Variants in FANCE observed in about 807,000 individuals in gnomAD.
The protein encoded by FANCE is Fanconi anemia group E protein.
A neutral mutation model predicts 57.8 loss-of-function variants in FANCE; 42 were observed. The observed-to-expected ratio is 0.73, with a 90% CI of 0.57 to 0.94. FANCE has a LOEUF of 0.94. Among genes scored for constraint, FANCE ranks in the 40% least tolerant of loss-of-function variants. The pLI is 0.00. For synonymous variants in FANCE, 251 were observed against 286.4 expected, an observed-to-expected ratio of 0.88 and a Z score of 1.25; for missense variants, 608 against 661.8, an observed-to-expected ratio of 0.92 and a Z score of 0.89.
chr6:35,458,561 C>A, intron 5 of FANCE, 121 bp downstream of exon 5: 3 of 1,245,904 alleles, frequency 2.4e-6, no homozygotes, highest in Non-Finnish European at 3.5e-6. Flanking sequence ...GCTGTTTGGG[C>A]AGCCTGGGGC....
Position 35,467,053 on chromosome 6 carries a change from T to C in FANCE, c.*708T>C. ...TATTATGACCTTCTGTGTTTTTGTTTCTGACTTGAATAATTTATCAATGGT... is the reference window on the plus strand; with the variant it reads ...TATTATGACCTTCTGTGTTTTTGTTCCTGACTTGAATAATTTATCAATGGT... On this transcript the variant is annotated 3_prime_UTR_variant, in exon 10 of 10. Coordinates refer to ENST00000229769, the MANE Select transcript of FANCE (RefSeq NM_021922.3). The C allele has an allele frequency of 4.7e-6, 1 of 214,190 alleles. No individual in the cohort carries two copies. 13.3% of individuals were successfully genotyped at this position (214,190 alleles called of 1,614,324 possible). A position where few individuals can be genotyped will look rare whatever the true frequency, so the allele number is the denominator to read the frequency against.
At chr6:35,462,390 A>C (rs546378306) in intron 8 of FANCE, among the ~76,000 whole-genome samples, 195 of 152,292 alleles carry the variant, frequency 1.3e-3, no homozygotes, top group Non-Finnish European at 2.3e-3. Context: ...TACAGGCATG[A>C]GCCACCGTGC....
chr6:35,458,704 G>A (rs188538921), intron 5 of FANCE, among the ~76,000 whole-genome samples: 32 of 151,378 alleles, frequency 2.1e-4, no homozygotes, highest in African/African-American at 4.6e-4. Context: ...CAGCAGTGGC[G>A]TGATCTCCTG....
intron 8 of FANCE, among the ~76,000 whole-genome samples, chr6:35,461,472 T>C (rs1273833738): frequency 2.0e-5 from 3 of 152,232 alleles, no homozygotes; most frequent in African/African-American, 7.2e-5. Context: ...ATACCATCTA[T>C]ATGTGGAAAC....
At chr6:35,461,447 C>T (rs947683636) in intron 8 of FANCE, among the ~76,000 whole-genome samples, 17 of 152,180 alleles carry the variant, frequency 1.1e-4, no homozygotes, top group African/African-American at 3.9e-4. Flanking sequence ...CAGGGGAATC[C>T]GCCCCCCTCC....
chr6:35,458,479 T>TG (rs1767443647), intron 5 of FANCE, 39 bp downstream of exon 5: 1 of 1,612,232 alleles, frequency 6.2e-7, no homozygotes, highest in East Asian at 2.2e-5. Context: ...CCAAGGACAA[T>TG]GGGGAAGAGC....
At position 35,457,613 on chromosome 6, in the gene FANCE, A is replaced by C; in HGVS notation, c.900+13A>C. 6.2e-7 allele frequency: 1 copy of C among 1,613,600 alleles called. No homozygotes were observed. The highest frequency in any genetic ancestry group is 8.5e-7 in the Non-Finnish European group (1 of 1,179,836). On this transcript the variant is annotated intron_variant, in intron 3 of 9. Coordinates refer to ENST00000229769, the MANE Select transcript of FANCE (RefSeq NM_021922.3). ...GACCTTGGAGGAGGTGACTGGCCCC[A>C]CAGTGCTCACCATAGCCTTTCTTCC...
chr6:35,457,490 C>T, intron 2 of FANCE, 66 bp from the exon 3 acceptor site: 1 of 1,580,884 alleles, frequency 6.3e-7, no homozygotes, highest in Non-Finnish European at 8.7e-7. Flanking sequence ...TAGGGGGAGC[C>T]AGAACCGGGC....
chr6:35,459,040 C>G (rs1310207302), intron 5 of FANCE, among the ~76,000 whole-genome samples: 1 of 152,154 alleles, frequency 6.6e-6, no homozygotes, highest in Non-Finnish European at 1.5e-5. Context: ...GTCAGCCTCC[C>G]AAAGTGCTGG....
chr6:35,465,972 A>G (rs1240071587), intron 9 of FANCE, among the ~76,000 whole-genome samples: 1 of 152,212 alleles, frequency 6.6e-6, no homozygotes, highest in Middle Eastern at 3.2e-3. Context: ...ATGTTTGTAT[A>G]TGGATTGATG....
In FANCE at chr6:35,459,738, G is replaced by C; in HGVS notation, c.1294G>C (p.Asp432His). ...TGTGAAGATGGAGTCCCTGGAGCCA[G>C]ATGCACAGGTTCTAATGCTGGGGTG... is the stretch of plus-strand genomic sequence containing the variant. Reference protein sequence around the residue: ...CLVKMESLEPDAQVLMLGQIL... With the variant: ...CLVKMESLEPHAQVLMLGQIL... Residue 432 changes from aspartate (D) to histidine (H), a missense_variant, in exon 7 of 10, where the codon GAT (aspartate) becomes CAT (histidine). Asp to His is a moderately conservative substitution (Grantham distance 81, BLOSUM62 -1). Transcript: ENST00000229769. 1 of 1,614,186 alleles carries C rather than the reference G, an allele frequency of 6.2e-7. No individual in the cohort carries two copies.
rs1767438884 is a variant in FANCE, at chr6:35,458,391, TC to T, written c.1065del (p.Ser356AlafsTer8). 7.4e-6 allele frequency: 12 copies of T among 1,614,204 alleles called. No homozygotes were observed. Among genetic ancestry groups the T allele is most frequent in the Non-Finnish European group, 1.0e-5 (12 of 1,180,034 alleles). On this transcript the variant is annotated frameshift_variant, in exon 5 of 10. Coordinates refer to ENST00000229769, the MANE Select transcript of FANCE (RefSeq NM_021922.3). LOFTEE classifies it high-confidence loss of function. Reference sequence around the variant, plus strand: ...TGGCTGCTGGCCCTTTCACCTGATCTCAGCCTCAGCAATGCTACTGTGCTGA... The same window carrying T: ...TGGCTGCTGGCCCTTTCACCTGATCTAGCCTCAGCAATGCTACTGTGCTGA... The part of the protein sequence containing the change: ...CTWLLALSPD[L>X]SLSNATVLTR...
At position 35,456,140 on chromosome 6, in the gene FANCE, G is replaced by C; in HGVS notation, c.642G>C (p.Lys214Asn). The change falls in exon 2 of 10, where the codon AAG (lysine) becomes AAC (asparagine). Residue 214 changes from lysine (K) to asparagine (N), a missense_variant. Lys to Asn is a moderately conservative substitution (Grantham distance 94). Transcript: ENST00000229769. The surrounding 1 kb of genome is among the most constrained non-coding windows in gnomAD (Gnocchi z 4.3). ...AAGAGGCTGCCAGTCCTGAGGGGAA[G>C]AGGGTCCCCAAAAGATTACGGTGTT... ...SEEEAASPEGKRVPKRLRCWE... is the reference protein window; with the variant it reads ...SEEEAASPEGNRVPKRLRCWE... 2 of 1,614,140 alleles carry C rather than the reference G, an allele frequency of 1.2e-6. No homozygotes were observed. Among genetic ancestry groups the C allele is most frequent in the Non-Finnish European group, 1.7e-6 (2 of 1,179,992 alleles).
chr6:35,459,114 C>T (rs538397190), intron 5 of FANCE, among the ~76,000 whole-genome samples: 10 of 152,190 alleles, frequency 6.6e-5, no homozygotes, highest in South Asian at 6.2e-4. Context: ...GGCACCAGAA[C>T]CCTTCTAGAA....
chr6:35,460,506 T>G, intron 7 of FANCE, 46 bp from the exon 8 acceptor site: 1 of 1,573,244 alleles, frequency 6.4e-7, no homozygotes, highest in Non-Finnish European at 8.7e-7. Flanking sequence ...ATACTCAGGC[T>G]TGGGTGGGAG....
chr6:35,452,470 A>G lies in FANCE; in HGVS notation c.-76A>G. On this transcript the variant is annotated 5_prime_UTR_variant, in exon 1 of 10. Transcript: ENST00000229769. Reference sequence around the variant, plus strand: ...ACCGCCGCGTCAGGGACGGCGCTGGAGTCCTCCGTTCCCCTCAGCCTCTGA... The same window carrying G: ...ACCGCCGCGTCAGGGACGGCGCTGGGGTCCTCCGTTCCCCTCAGCCTCTGA... 8.3e-7 allele frequency: 1 copy of G among 1,198,762 alleles called. No homozygotes were observed. Among genetic ancestry groups the G allele is most frequent in the Non-Finnish European group, 1.0e-6 (1 of 963,064 alleles). The allele number at this position is 1,198,762 out of a possible 1,614,324, so 74.3% of individuals were successfully genotyped here. A position where few individuals can be genotyped will look rare whatever the true frequency, so the allele number is the denominator to read the frequency against.
intron 5 of FANCE, 64 bp from the exon 6 acceptor site, chr6:35,459,267 A>G (rs1767488490): frequency 3.1e-6 from 5 of 1,599,352 alleles, no homozygotes; most frequent in African/African-American, 1.3e-5. Context: ...TGAAATGTGC[A>G]TTTGATAAAT....
chr6:35,456,056 T>C lies in FANCE; in HGVS notation c.558T>C (p.Pro186=), dbSNP rs779677109. Residue 186 remains proline (P), a synonymous_variant, in exon 2 of 10, where the codon CCT becomes CCC. Transcript: ENST00000229769. The surrounding 1 kb of genome is among the most constrained non-coding windows in gnomAD (Gnocchi z 4.3). ...TGAAATCCCCCCAGGCTCCAGACCCTGAAGAAGAGGAGAACAGGGACTCCC... is the reference window on the plus strand; with the variant it reads ...TGAAATCCCCCCAGGCTCCAGACCCCGAAGAAGAGGAGAACAGGGACTCCC... The part of the protein sequence containing the change: ...RRLKSPQAPD[P]EEEENRDSQQ... The C allele has an allele frequency of 6.2e-7, 1 of 1,613,234 alleles. No individual in the cohort carries two copies. Among genetic ancestry groups the C allele is most frequent in the South Asian group, 1.1e-5 (1 of 91,062 alleles).
At chr6:35,459,256 CT>C in intron 5 of FANCE, 74 bp from the exon 6 acceptor site, 1 of 1,572,320 alleles carries the variant, frequency 6.4e-7, no homozygotes, top group Non-Finnish European at 8.7e-7. Flanking sequence ...GTATCATCAT[CT>C]GAAATGTGCA....
Sources: allele counts gnomAD v4.1 joint callset (sites outside exome capture counted in the v4.1 genomes callset), GRCh38; gene constraint gnomAD v4.1.1; non-coding constraint Gnocchi (gnomAD v3.1); transcripts MANE v1.5; gene names NCBI Gene and HGNC (gene_info 2026-07-23, HGNC 2026-07-21).